Variants in AMZ1 observed in about 807,000 individuals in gnomAD.
AMZ1 encodes archaelysin family metallopeptidase 1, also known as archaemetzincin-1.
A neutral mutation model predicts 29.9 loss-of-function variants in AMZ1; 39 were observed. That is an observed-to-expected ratio of 1.30 (90% confidence interval 1.01 to 1.70). AMZ1 has a LOEUF of 1.70. Among genes scored for constraint, AMZ1 ranks in the 40% most tolerant of loss-of-function variants. AMZ1 has a pLI of 0.00. For missense variants in AMZ1, 1,041 were observed against 680.6 expected, an observed-to-expected ratio of 1.53 and a Z score of -5.89; for synonymous variants, 458 against 304.0, an observed-to-expected ratio of 1.51 and a Z score of -5.27.
upstream of AMZ1, chr7:2,762,475 C>G: frequency 1.5e-6 from 1 of 667,666 alleles, no homozygotes; most frequent in Non-Finnish European, 2.4e-6. Flanking sequence ...CTGAACCCAC[C>G]CGTGTGCGGG....
At chr7:2,709,995 G>T (rs1251875899) in intron 6 of AMZ1, among the ~76,000 whole-genome samples, 179 bp downstream of exon 6, 1 of 152,218 alleles carries the variant, frequency 6.6e-6, no homozygotes, top group Non-Finnish European at 1.5e-5. Context: ...GATCTCACTG[G>T]CAGTAGATCG....
At chr7:2,710,160 TCCCGTCA>T (rs1788677691) in intron 6 of AMZ1, among the ~76,000 whole-genome samples, 1 of 152,042 alleles carries the variant, frequency 6.6e-6, no homozygotes, top group African/African-American at 2.4e-5. Flanking sequence ...CTCTTTGCTT[TCCCGTCA>T]CCCACACTTG....
intron 1 of AMZ1, among the ~76,000 whole-genome samples, chr7:2,696,257 A>ATTAT (rs1554246535): frequency 8.2e-6 from 1 of 122,056 alleles, no homozygotes; most frequent in Non-Finnish European, 1.7e-5. Flanking sequence ...CTTGATAGTC[A>ATTAT]TTTTTTTTTT....
chr7:2,733,109 G>T (rs1284297641), intron 4 of AMZ1, among the ~76,000 whole-genome samples: 1 of 152,160 alleles, frequency 6.6e-6, no homozygotes, highest in Non-Finnish European at 1.5e-5. Flanking sequence ...AAACAAGACT[G>T]GTAATCAGTG....
intron 6 of AMZ1, 58 bp downstream of exon 6, chr7:2,709,874 G>A: frequency 1.3e-6 from 2 of 1,588,184 alleles, no homozygotes; most frequent in South Asian, 1.1e-5. Context: ...AGGCCCGCGA[G>A]CGCCGCCTGG....
chr7:2,736,599 C>T (rs934062244), intron 4 of AMZ1, among the ~76,000 whole-genome samples: 6 of 152,186 alleles, frequency 3.9e-5, no homozygotes, highest in South Asian at 2.1e-4. Context: ...TGGGCACAGC[C>T]GGGCAGATGT....
intron 4 of AMZ1, among the ~76,000 whole-genome samples, chr7:2,739,943 G>C (rs1790414704): frequency 6.6e-6 from 1 of 152,180 alleles, no homozygotes; most frequent in African/African-American, 2.4e-5. Flanking sequence ...AAAGTGCTGG[G>C]ATTACAGGTG....
At chr7:2,747,722 A>C (rs1042769703) in intron 4 of AMZ1, among the ~76,000 whole-genome samples, 2 of 152,232 alleles carry the variant, frequency 1.3e-5, no homozygotes, top group Non-Finnish European at 2.9e-5. Context: ...GAAAAGAGGA[A>C]GTCAAATTGT....
chr7:2,702,952 G>A, intron 3 of AMZ1, 63 bp downstream of exon 3: 4 of 1,501,338 alleles, frequency 2.7e-6, no homozygotes, highest in Non-Finnish European at 3.5e-6. Context: ...GAAGAGGTGG[G>A]AGGAAGGCGC....
At position 2,700,715 on chromosome 7, in the gene AMZ1, G is replaced by A. The variant is rs371746483; in HGVS notation, c.264G>A (p.Lys88=). The A allele has an allele frequency of 2.0e-4, 319 of 1,613,118 alleles. 1 individual carries two copies. The highest frequency in any genetic ancestry group is 2.6e-4 in the Non-Finnish European group (312 of 1,180,012). ...TCCACGCCTCCCTGCAGCACCGGAA[G>A]CCCCGCCTGGCTCGGAAGCACATCT... ...QTFHASLQHR[K]PRLARKHIYL... is the part of the protein sequence containing the mutation. The change falls in exon 2 of 7, where the codon AAG becomes AAA. Residue 88 remains lysine, a synonymous_variant. Coordinates refer to ENST00000683327, the MANE Select transcript of AMZ1 (RefSeq NM_001384743.1).
intron 4 of AMZ1, among the ~76,000 whole-genome samples, chr7:2,753,565 G>A (rs986849566): frequency 7.9e-5 from 12 of 152,102 alleles, no homozygotes; most frequent in Non-Finnish European, 8.8e-5. Flanking sequence ...TGAACGTGCC[G>A]CAGTTTATTT....
chr7:2,750,221 G>C (rs532302813), intron 4 of AMZ1, among the ~76,000 whole-genome samples: 10 of 152,176 alleles, frequency 6.6e-5, no homozygotes, highest in Admixed American at 4.6e-4. Context: ...AGAACAAACT[G>C]CAAGTCCCAG....
intron 1 of AMZ1, among the ~76,000 whole-genome samples, chr7:2,693,490 C>T (rs1225305335): frequency 3.3e-5 from 5 of 152,132 alleles, no homozygotes; most frequent in Non-Finnish European, 5.9e-5. Context: ...AGACTTCCTC[C>T]GACCTCAGCC....
At chr7:2,720,276 TGAA>T (rs556831845), downstream of AMZ1, among the ~76,000 whole-genome samples, 24 of 152,314 alleles carry the variant, frequency 1.6e-4, no homozygotes, top group Admixed American at 5.9e-4. Flanking sequence ...ACCTGTCAAA[TGAA>T]GAGTCACTTC....
At position 2,736,000 on chromosome 7, in the gene AMZ1, G is replaced by C. The variant is rs187078943; in HGVS notation, n.550+26184G>C. ...TTTGGTGCACTGCGGTTCACCAACAGAGACTGGACAATGCACCTGCTGATT... is the reference window on the plus strand; with the variant it reads ...TTTGGTGCACTGCGGTTCACCAACACAGACTGGACAATGCACCTGCTGATT... On this transcript the variant is annotated intron_variant and non_coding_transcript_variant, in intron 4 of 4. Coordinates refer to the AMZ1 transcript ENST00000489665. Among the ~76,000 whole-genome samples, 140 of 152,318 alleles carry C rather than the reference G, an allele frequency of 9.2e-4. 1 individual carries two copies. The highest frequency in any genetic ancestry group is 3.2e-3 in the African/African-American group (131 of 41,566).
chr7:2,754,483 C>T (rs1162179969), intron 4 of AMZ1, among the ~76,000 whole-genome samples: 1 of 152,012 alleles, frequency 6.6e-6, no homozygotes. Context: ...TGGCTCACCC[C>T]TGTAATCCCA....
At chr7:2,754,354 G>C (rs1183790418) in intron 4 of AMZ1, among the ~76,000 whole-genome samples, 1 of 152,062 alleles carries the variant, frequency 6.6e-6, no homozygotes, top group African/African-American at 2.4e-5. Flanking sequence ...GTATTGTTTT[G>C]AGAGTTCTGT....
At chr7:2,749,939 G>T (rs899386291) in intron 4 of AMZ1, among the ~76,000 whole-genome samples, 10 of 152,180 alleles carry the variant, frequency 6.6e-5, no homozygotes, top group Admixed American at 5.9e-4. Context: ...TACACAAGTA[G>T]TTGGAATCTC....
rs1448002024 is a variant in AMZ1, at chr7:2,709,503, G to T, written c.772-137G>T. Reference sequence around the variant, plus strand: ...AAGTGGCCTGTGCCGCCTGGGGCAGGGGGAGGGCGCCTGGACCACCTCCCG... The same window carrying T: ...AAGTGGCCTGTGCCGCCTGGGGCAGTGGGAGGGCGCCTGGACCACCTCCCG... On this transcript the variant is annotated intron_variant, in intron 5 of 6. Coordinates refer to ENST00000683327, the MANE Select transcript of AMZ1 (RefSeq NM_001384743.1). 5 of 1,352,580 alleles carry T rather than the reference G, an allele frequency of 3.7e-6. No homozygotes were observed. In the African/African-American group the frequency reaches 4.4e-5, roughly 12 times the overall value. The allele number at this position is 1,352,580 out of a possible 1,614,324, so 83.8% of individuals were successfully genotyped here.
Sources: allele counts gnomAD v4.1 joint callset (sites outside exome capture counted in the v4.1 genomes callset), GRCh38; gene constraint gnomAD v4.1.1; transcripts MANE v1.5; gene names NCBI Gene and HGNC (gene_info 2026-07-23, HGNC 2026-07-21).